PCDHGA8: variants seen among roughly 807,000 people sequenced by gnomAD.
The protein encoded by PCDHGA8 is protocadherin gamma subfamily A, 8.
In PCDHGA8, 45 loss-of-function variants were observed where a neutral mutation model predicts 59.2. The ratio of observed to expected loss-of-function variants is 0.76; its 90% CI spans 0.60 to 0.98. The LOEUF (loss-of-function observed/expected upper bound fraction) is 0.98, where lower values mean the gene tolerates loss of function less well. PCDHGA8 is among the 50% of genes least tolerant of loss of function. PCDHGA8 has a pLI of 0.00. For missense variants in PCDHGA8, 1,257 were observed against 1,196.2 expected (o/e 1.05, Z -0.75); for synonymous variants, 531 against 519.0 (o/e 1.02, Z -0.32).
At chr5:141,414,491 A>T in intron 1 of PCDHGA8, 1 of 1,613,962 alleles carries the variant, frequency 6.2e-7, no homozygotes, top group Non-Finnish European at 8.5e-7. Flanking sequence ...CTATCAACGG[A>T]AGCTCACTTT....
In PCDHGA8 at chr5:141,487,227, G is replaced by A. The variant is rs763361726; in HGVS notation, c.2425-7580G>A. The A allele has an allele frequency of 6.2e-7, 1 of 1,614,070 alleles. No individual in the cohort carries two copies. Among genetic ancestry groups the A allele is most frequent in the Non-Finnish European group, 8.5e-7 (1 of 1,179,952 alleles). On this transcript the variant is annotated intron_variant, in intron 1 of 3. Transcript: ENST00000398604. The surrounding 1 kb of genome is among the most constrained non-coding windows in gnomAD (Gnocchi z 5.0). The stretch of plus-strand genomic sequence containing the variant: ...CGAGAATCTTCAGCTCCAAGGGAAG[G>A]AGAATCTCGTCTAACCCTCTACTTG...
At chr5:141,405,326 T>TGC in intron 1 of PCDHGA8, 1 of 1,614,220 alleles carries the variant, frequency 6.2e-7, no homozygotes, top group Non-Finnish European at 8.5e-7. Flanking sequence ...TGAGCCTTTG[T>TGC]GCGTCTCTGT....
Position 141,431,278 on chromosome 5 carries a change from C to A in PCDHGA8, c.2424+36041C>A, listed in dbSNP as rs755533628. On this transcript the variant is annotated intron_variant, in intron 1 of 3. Transcript: ENST00000398604. The surrounding 1 kb of genome is among the most constrained non-coding windows in gnomAD (Gnocchi z 4.8). ...ACTCTCTGCAGAGCTACGAGCTCAG[C>A]CCGAACACTCACTTCTCCCTCATCG... 6.2e-7 allele frequency: 1 copy of A among 1,614,170 alleles called. No individual in the cohort carries two copies. The highest frequency in any genetic ancestry group is 8.5e-7 in the Non-Finnish European group (1 of 1,180,038).
chr5:141,405,108 G>A, intron 1 of PCDHGA8: 1 of 1,613,960 alleles, frequency 6.2e-7, no homozygotes, highest in Non-Finnish European at 8.5e-7. Flanking sequence ...CTGAGGCACT[G>A]GCACTCCTCG....
At position 141,487,570 on chromosome 5, in the gene PCDHGA8, T is replaced by A; in HGVS notation, c.2425-7237T>A. 6.2e-7 allele frequency: 1 copy of A among 1,614,178 alleles called. No homozygotes were observed. On this transcript the variant is annotated intron_variant, in intron 1 of 3. Transcript: ENST00000398604. The surrounding 1 kb of genome is among the most constrained non-coding windows in gnomAD (Gnocchi z 5.0). ...CCAGTGCACCTATGGCAGGGGAGCCTGTTCGCCCAAGCTGCCCACCCTCTG... is the reference window on the plus strand; with the variant it reads ...CCAGTGCACCTATGGCAGGGGAGCCAGTTCGCCCAAGCTGCCCACCCTCTG...
At chr5:141,465,047 T>C (rs2099095978) in intron 1 of PCDHGA8, among the ~76,000 whole-genome samples, 1 of 152,088 alleles carries the variant, frequency 6.6e-6, no homozygotes, top group Non-Finnish European at 1.5e-5. Context: ...TGACCCTATA[T>C]ATTTTTTTGA....
chr5:141,503,209 C>T (rs963237902), intron 2 of PCDHGA8, among the ~76,000 whole-genome samples: 3 of 152,020 alleles, frequency 2.0e-5, no homozygotes, highest in African/African-American at 7.3e-5. Context: ...TCTCAGTGCC[C>T]ACCATGAGCA....
chr5:141,489,206 C>A lies in PCDHGA8; in HGVS notation c.2425-5601C>A. On this transcript the variant is annotated intron_variant, in intron 1 of 3. Transcript: ENST00000398604. This position sits in a 1 kb window ranked among gnomAD's most constrained non-coding sequence, Gnocchi z 4.5. ...TGGGTCTACCTTGGAGACAGGACAG[C>A]ACAGACTTACTCTCCACAAAGGGAC... 2 of 1,439,024 alleles carry A rather than the reference C, an allele frequency of 1.4e-6. No individual in the cohort carries two copies. Among genetic ancestry groups the A allele is most frequent in the Non-Finnish European group, 1.9e-6 (2 of 1,060,928 alleles). 89.1% of individuals were successfully genotyped at this position (1,439,024 alleles called of 1,614,324 possible). A position where few individuals can be genotyped will look rare whatever the true frequency, so the allele number is the denominator to read the frequency against.
Position 141,499,370 on chromosome 5 carries a change from A to T in PCDHGA8, c.2483+4505A>T, listed in dbSNP as rs546430948. ...CATTCAACAAACAAATAGCAACTTA[A>T]TTTTTTTCCACTTATAAAATAGTAC... On this transcript the variant is annotated intron_variant, in intron 2 of 3. Coordinates refer to ENST00000398604, the MANE Select transcript of PCDHGA8 (RefSeq NM_032088.2). 2.0e-3 allele frequency among the ~76,000 whole-genome samples: 300 copies of T among 152,286 alleles called. 1 individual carries two copies. The highest frequency in any genetic ancestry group is 2.7e-3 in the Non-Finnish European group (184 of 68,028).
chr5:141,509,621 C>T (rs1179988828), intron 3 of PCDHGA8, among the ~76,000 whole-genome samples: 1 of 152,178 alleles, frequency 6.6e-6, no homozygotes, highest in African/African-American at 2.4e-5. Flanking sequence ...AAACAAGTTC[C>T]TGGGTGATGC....
intron 1 of PCDHGA8, chr5:141,413,078 C>A: frequency 7.7e-7 from 1 of 1,301,148 alleles, no homozygotes; most frequent in Non-Finnish European, 1.1e-6. Flanking sequence ...AGTGCCCAGG[C>A]TACAGAGACA....
chr5:141,419,386 G>A (rs2096372901), intron 1 of PCDHGA8: 1 of 1,613,650 alleles, frequency 6.2e-7, no homozygotes, highest in Non-Finnish European at 8.5e-7. Context: ...CCGTGAGCGC[G>A]CAGAGCGGGG....
rs1404656316 is a variant in PCDHGA8 at position 141,486,648 on chromosome 5, A to G, written c.2425-8159A>G. 6.2e-7 allele frequency: 1 copy of G among 1,613,298 alleles called. No individual in the cohort carries two copies. The highest frequency in any genetic ancestry group is 8.5e-7 in the Non-Finnish European group (1 of 1,179,892). The stretch of plus-strand genomic sequence containing the variant: ...TCTGGCTTGAATGCGCTTATCTCCT[A>G]CTCACTCCTGGAGCCCAGGAATCGA... On this transcript the variant is annotated intron_variant, in intron 1 of 3. Coordinates refer to ENST00000398604, the MANE Select transcript of PCDHGA8 (RefSeq NM_032088.2). This position sits in a 1 kb window ranked among gnomAD's most constrained non-coding sequence, Gnocchi z 5.0.
Position 141,413,696 on chromosome 5 carries a change from A to G in PCDHGA8, c.2424+18459A>G, listed in dbSNP as rs753150251. On this transcript the variant is annotated intron_variant, in intron 1 of 3. Coordinates refer to ENST00000398604, the MANE Select transcript of PCDHGA8 (RefSeq NM_032088.2). ...GTGGGCGTGAACTCCCTGCAGAGCTATCAGCTCAGCCCCAATAAGCACTTC... is the reference window on the plus strand; with the variant it reads ...GTGGGCGTGAACTCCCTGCAGAGCTGTCAGCTCAGCCCCAATAAGCACTTC... 3.1e-6 allele frequency: 5 copies of G among 1,613,522 alleles called. No homozygotes were observed. In the Admixed American group the frequency reaches 6.7e-5, roughly 22 times the overall value.
At chr5:141,428,114 C>CG in intron 1 of PCDHGA8, 2 of 1,607,202 alleles carry the variant, frequency 1.2e-6, no homozygotes, top group Non-Finnish European at 1.7e-6. Flanking sequence ...TGCAGGCCAT[C>CG]GAGCCCGGGC....
At chr5:141,445,257 A>G (rs1253126709) in intron 1 of PCDHGA8, among the ~76,000 whole-genome samples, 3 of 152,152 alleles carry the variant, frequency 2.0e-5, no homozygotes, top group African/African-American at 2.4e-5. Context: ...GTGTGAGAAT[A>G]TAAGTCGAAA....
rs866649962 is a variant in PCDHGA8 at position 141,482,106 on chromosome 5, T to A, written c.2425-12701T>A. Reference sequence around the variant, plus strand: ...CTCCATCTCAAAAAAAAAAAAAAAATATCTAGAGATGGGAGAATCATATGG... The same window carrying A: ...CTCCATCTCAAAAAAAAAAAAAAAAAATCTAGAGATGGGAGAATCATATGG... On this transcript the variant is annotated intron_variant, in intron 1 of 3. Transcript: ENST00000398604. 2.5e-3 allele frequency among the ~76,000 whole-genome samples: 342 copies of A among 138,882 alleles called. 1 individual carries two copies. Among genetic ancestry groups the A allele is most frequent in the Middle Eastern group, 0.011 (3 of 272 alleles). 91.1% of individuals were successfully genotyped at this position (138,882 alleles called of 152,430 possible). A position where few individuals can be genotyped will look rare whatever the true frequency, so the allele number is the denominator to read the frequency against.
rs1226558966 is a variant in PCDHGA8, at chr5:141,432,589, G to C, written c.2424+37352G>C. The C allele has an allele frequency of 6.2e-7, 1 of 1,613,916 alleles. No homozygotes were observed. The highest frequency in any genetic ancestry group is 8.5e-7 in the Non-Finnish European group (1 of 1,179,974). The stretch of plus-strand genomic sequence containing the variant: ...CCTGGCTGTCCTACCGTCTGCTCAA[G>C]GCCAGCGAGCCGGGACTCTTCTCGG... On this transcript the variant is annotated intron_variant, in intron 1 of 3. Coordinates refer to ENST00000398604, the MANE Select transcript of PCDHGA8 (RefSeq NM_032088.2). The surrounding 1 kb of genome is among the most constrained non-coding windows in gnomAD (Gnocchi z 6.0).
chr5:141,503,392 C>T lies in PCDHGA8; in HGVS notation c.2484-2001C>T, dbSNP rs554732406. 1.2e-4 allele frequency among the ~76,000 whole-genome samples: 18 copies of T among 151,870 alleles called. No individual in the cohort carries two copies. The South Asian group carries it at 3.5e-3, about 30-fold the overall frequency. On this transcript the variant is annotated intron_variant, in intron 2 of 3. Transcript: ENST00000398604. ...CAGGTGGATCATGAGGTCAGGAGTT[C>T]GAAACCAACCTGGCCAATATGGTGA...
Sources: gnomAD v4.1 joint callset for allele counts (sites outside exome capture counted in the v4.1 genomes callset) on GRCh38, gnomAD v4.1.1 for gene constraint, Gnocchi (gnomAD v3.1) non-coding constraint, MANE v1.5 for transcripts, NCBI Gene and HGNC (gene_info 2026-07-23, HGNC 2026-07-21) for gene names.